The following ACSL5 variants were observed in gnomAD, a reference collection of about 807,000 sequenced individuals.
ACSL5 encodes acyl-CoA synthetase long chain family member 5.
ACSL5 carries 50 observed loss-of-function variants against 84.9 expected under a neutral mutation model. The ratio of observed to expected loss-of-function variants is 0.59; its 90% CI spans 0.47 to 0.75. ACSL5 has a LOEUF of 0.75. ACSL5 is among the 30% of genes least tolerant of loss of function. ACSL5 has a pLI of 0.00. For missense variants in ACSL5, 775 were observed against 830.4 expected, an observed-to-expected ratio of 0.93 and a Z score of 0.82; for synonymous variants, 280 against 300.7, an observed-to-expected ratio of 0.93 and a Z score of 0.71.
intron 20 of ACSL5, 137 bp downstream of exon 20, chr10:112,426,996 T>C: frequency 1.1e-6 from 1 of 882,024 alleles, no homozygotes; most frequent in Non-Finnish European, 1.8e-6. Flanking sequence ...AATGACCTTT[T>C]GTAGTTACTT....
intron 17 of ACSL5, among the ~76,000 whole-genome samples, chr10:112,423,209 A>ATAT: frequency 1.8e-5 from 1 of 56,756 alleles, no homozygotes; most frequent in African/African-American, 5.8e-5. Flanking sequence ...AAAAAAAAAA[A>ATAT]AAAAAAAAAA....
chr10:112,422,440 C>A lies in ACSL5; in HGVS notation c.1592C>A (p.Pro531Gln), dbSNP rs375823791. The A allele has an allele frequency of 6.2e-7, 1 of 1,613,346 alleles. No individual in the cohort carries two copies. Among genetic ancestry groups the A allele is most frequent in the Non-Finnish European group, 8.5e-7 (1 of 1,179,444 alleles). Reference protein sequence around the residue: ...LHTGDIGRWLPNGTLKIIDRK... With the variant: ...LHTGDIGRWLQNGTLKIIDRK... Reference sequence around the variant, plus strand: ...ACAGGAGACATTGGTCGCTGGCTCCCGGTAGGTATATCATCAGAACTCCTG... The same window carrying A: ...ACAGGAGACATTGGTCGCTGGCTCCAGGTAGGTATATCATCAGAACTCCTG... Residue 531 changes from proline to glutamine, a missense_variant and splice_region_variant, in exon 17 of 21, where the codon CCG (proline) becomes CAG (glutamine). By Grantham distance (76) the Pro-to-Gln change is moderately conservative. Coordinates refer to ENST00000354655, the MANE Select transcript of ACSL5 (RefSeq NM_203379.2).
chr10:112,375,783 G>C (rs144372544), intron 1 of ACSL5, among the ~76,000 whole-genome samples: 1 of 152,178 alleles, frequency 6.6e-6, no homozygotes, highest in Non-Finnish European at 1.5e-5. Flanking sequence ...CAGCCCTGTC[G>C]TTCCTGACTT....
intron 1 of ACSL5, chr10:112,376,198 TA>T: frequency 6.9e-7 from 1 of 1,443,698 alleles, no homozygotes; most frequent in Non-Finnish European, 9.4e-7. Flanking sequence ...AAAAAAAAAT[TA>T]AAACCAGGAA....
At chr10:112,408,315 G>T in intron 5 of ACSL5, 107 bp from the exon 6 acceptor site, 3 of 584,882 alleles carry the variant, frequency 5.1e-6, no homozygotes, top group Non-Finnish European at 5.8e-6. Context: ...AAAAAAAAAA[G>T]CAAAACAAAA....
At chr10:112,422,180 C>T (rs1844480264) in intron 16 of ACSL5, 145 bp downstream of exon 16, 7 of 1,099,348 alleles carry the variant, frequency 6.4e-6, no homozygotes, top group Admixed American at 5.5e-5. Context: ...TTTCCTATCC[C>T]CTATAGTGGA....
chr10:112,395,142 C>T (rs1435272958), intron 2 of ACSL5, 40 bp downstream of exon 2: 1 of 1,582,890 alleles, frequency 6.3e-7, no homozygotes, highest in African/African-American at 1.3e-5. Flanking sequence ...CAACCTTCCT[C>T]AAACTCAAAC....
At chr10:112,400,398 T>C (rs1182463107) in intron 3 of ACSL5, among the ~76,000 whole-genome samples, 1 of 125,928 alleles carries the variant, frequency 7.9e-6, no homozygotes, top group Non-Finnish European at 1.7e-5. Context: ...TTTTCCTTTT[T>C]TTCTTTTCTT....
At position 112,427,493 on chromosome 10, in the gene ACSL5, T is replaced by A; in HGVS notation, c.*135T>A. The stretch of plus-strand genomic sequence containing the variant: ...TTAAACTCTAAAGCCATAGCTTTTG[T>A]TTTATATTGAGACATATAATGTGTA... On this transcript the variant is annotated 3_prime_UTR_variant, in exon 21 of 21. Transcript: ENST00000354655. 1.3e-6 allele frequency: 1 copy of A among 787,614 alleles called. No homozygotes were observed. Among genetic ancestry groups the A allele is most frequent in the Non-Finnish European group, 1.9e-6 (1 of 527,426 alleles). The allele number at this position is 787,614 out of a possible 1,614,324, so 48.8% of individuals were successfully genotyped here. A position where few individuals can be genotyped will look rare whatever the true frequency, so the allele number is the denominator to read the frequency against.
At chr10:112,415,986 G>A (rs1440493519) in intron 12 of ACSL5, among the ~76,000 whole-genome samples, 2 of 152,102 alleles carry the variant, frequency 1.3e-5, no homozygotes, top group African/African-American at 4.8e-5. Context: ...AATCATGCGA[G>A]CTGGAAAAAT....
chr10:112,415,630 C>T (rs1844297793), intron 12 of ACSL5, among the ~76,000 whole-genome samples: 1 of 152,058 alleles, frequency 6.6e-6, no homozygotes, highest in African/African-American at 2.4e-5. Context: ...CATACTGGTA[C>T]AATGATAATG....
Position 112,399,468 on chromosome 10 carries a change from C to T in ACSL5, c.265+459C>T, listed in dbSNP as rs542978212. The stretch of plus-strand genomic sequence containing the variant: ...CAGTCCAGGATTCCTGATGTCTTAC[C>T]TTGTCCTTAACTCTGATACCATCCT... On this transcript the variant is annotated intron_variant, in intron 3 of 20. Coordinates refer to ENST00000354655, the MANE Select transcript of ACSL5 (RefSeq NM_203379.2). 2.2e-4 allele frequency among the ~76,000 whole-genome samples: 34 copies of T among 152,322 alleles called. 2 individuals are homozygous for T. The South Asian group carries it at 6.8e-3, about 31-fold the overall frequency.
intron 5 of ACSL5, among the ~76,000 whole-genome samples, chr10:112,405,893 G>A (rs1844025286): frequency 1.3e-5 from 2 of 152,130 alleles, no homozygotes; most frequent in Admixed American, 1.3e-4. Context: ...TTCATTAGGT[G>A]GAAGTGGATC....
In ACSL5 at chr10:112,404,518, G is replaced by A. The variant is rs781280820; in HGVS notation, c.273G>A (p.Gly91=). ...FQRGLAVSDN[G]PCLGYRKPNQ... ...TTAATATTATGTTTTTAGACAATGGGCCCTGCTTGGGATATAGAAAACCAA... is the reference window on the plus strand; with the variant it reads ...TTAATATTATGTTTTTAGACAATGGACCCTGCTTGGGATATAGAAAACCAA... Residue 91 remains glycine (G), a synonymous_variant, in exon 4 of 21, where the codon GGG becomes GGA. Transcript: ENST00000354655. 40 of 1,612,730 alleles carry A rather than the reference G, an allele frequency of 2.5e-5. No individual in the cohort carries two copies. Among genetic ancestry groups the A allele is most frequent in the East Asian group, 2.2e-5 (1 of 44,874 alleles).
chr10:112,417,114 C>G, intron 13 of ACSL5, 92 bp downstream of exon 13: 2 of 1,398,438 alleles, frequency 1.4e-6, no homozygotes, highest in Non-Finnish European at 9.7e-7. Flanking sequence ...GCTTGAGCGT[C>G]ACTTTAACTA....
intron 3 of ACSL5, 73 bp from the exon 4 acceptor site, chr10:112,404,438 A>T: frequency 8.5e-7 from 1 of 1,171,986 alleles, no homozygotes; most frequent in Non-Finnish European, 1.3e-6. Context: ...GCCCCTTCTT[A>T]ATCTCCTTTT....
rs1564740686 is a variant in ACSL5, at chr10:112,413,178, T to C, written c.954T>C (p.Val318=). 6.2e-7 allele frequency: 1 copy of C among 1,614,124 alleles called. No homozygotes were observed. Among genetic ancestry groups the C allele is most frequent in the East Asian group, 2.2e-5 (1 of 44,890 alleles). The stretch of plus-strand genomic sequence containing the variant: ...TAATTTGGTTTTGTTTTCAGGCTGT[T>C]GTGTACAGCTGTGGAGCCAGAGTTG... ...AHMFERIVQA[V]VYSCGARVGF... is the part of the protein sequence containing the mutation. Residue 318 remains valine, a synonymous_variant, in exon 12 of 21, where the codon GTT becomes GTC. Coordinates refer to ENST00000354655, the MANE Select transcript of ACSL5 (RefSeq NM_203379.2).
intron 20 of ACSL5, 30 bp from the exon 21 acceptor site, chr10:112,427,188 A>C: frequency 6.3e-7 from 1 of 1,591,306 alleles, no homozygotes; most frequent in South Asian, 1.1e-5. Flanking sequence ...ATCACTAATG[A>C]GCATGGATGT....
intron 1 of ACSL5, among the ~76,000 whole-genome samples, chr10:112,375,062 AG>A (rs35808367): frequency 7.4e-4 from 107 of 144,974 alleles, no homozygotes; most frequent in Admixed American, 1.2e-3. Flanking sequence ...TAAAAAAAAA[AG>A]AAATAAAACC....
Sources: allele counts gnomAD v4.1 joint callset (sites outside exome capture counted in the v4.1 genomes callset), GRCh38; gene constraint gnomAD v4.1.1; transcripts MANE v1.5; gene names NCBI Gene and HGNC (gene_info 2026-07-23, HGNC 2026-07-21).